CDH12: variants seen among roughly 807,000 people sequenced by gnomAD.
CDH12 encodes cadherin 12.
CDH12 carries 41 observed loss-of-function variants against 74.1 expected under a neutral mutation model. That is an observed-to-expected ratio of 0.55 (90% CI 0.43 to 0.72). CDH12 has a LOEUF of 0.72. CDH12 is among the 30% of genes least tolerant of loss of function. The pLI is 0.00. For missense variants in CDH12, 945 were observed against 977.2 expected (o/e 0.97, Z 0.44); for synonymous variants, 399 against 355.0 (o/e 1.12, Z -1.39).
At chr5:22,536,660 A>C (rs191410775) in intron 1 of CDH12, among the ~76,000 whole-genome samples, 9 of 152,320 alleles carry the variant, frequency 5.9e-5, no homozygotes, top group Admixed American at 2.0e-4. Flanking sequence ...AATTCTGTAG[A>C]GTATATAACG....
chr5:22,175,524 G>A (rs1417826614), intron 4 of CDH12, among the ~76,000 whole-genome samples: 1 of 152,042 alleles, frequency 6.6e-6, no homozygotes, highest in Non-Finnish European at 1.5e-5. Flanking sequence ...TCCCAGGCTT[G>A]AGTTTTCCTA....
intron 1 of CDH12, among the ~76,000 whole-genome samples, chr5:22,815,153 T>C (rs1216728793): frequency 6.6e-6 from 1 of 152,148 alleles, no homozygotes; most frequent in Non-Finnish European, 1.5e-5. Context: ...CATGCAACTC[T>C]TGTTCAGCAA....
intron 3 of CDH12, among the ~76,000 whole-genome samples, chr5:22,315,667 C>CAA (rs374574079): frequency 6.6e-6 from 1 of 151,486 alleles, no homozygotes; most frequent in African/African-American, 2.4e-5. Context: ...ATCCTAGCTA[C>CAA]AAAAAAAATG....
At position 22,834,259 on chromosome 5, in the gene CDH12, G is replaced by A. The variant is rs145699657; in HGVS notation, c.-523+18799C>T. On this transcript the variant is annotated intron_variant, in intron 1 of 14. Transcript: ENST00000382254. ...TTCATGTCTTATATTTGACAGCCAG[G>A]ATGCTGATTTTCAAAGAGCACAGTG... Among the ~76,000 whole-genome samples the A allele has an allele frequency of 3.5e-3, 537 of 152,166 alleles. 3 individuals carry two copies. The highest frequency in any genetic ancestry group is 0.012 in the African/African-American group (500 of 41,544).
intron 1 of CDH12, among the ~76,000 whole-genome samples, chr5:22,728,833 C>G (rs1425613962): frequency 6.6e-6 from 1 of 151,746 alleles, no homozygotes; most frequent in Non-Finnish European, 1.5e-5. Flanking sequence ...GAGCCCTCCA[C>G]CGTCATGACC....
At chr5:22,063,982 T>C (rs1017584058) in intron 5 of CDH12, among the ~76,000 whole-genome samples, 4 of 118,752 alleles carry the variant, frequency 3.4e-5, no homozygotes, top group South Asian at 3.2e-4. Context: ...CATGCAATTA[T>C]GGAGATACAC....
chr5:22,010,847 A>G (rs1737254443), intron 5 of CDH12, among the ~76,000 whole-genome samples: 1 of 152,084 alleles, frequency 6.6e-6, no homozygotes, highest in African/African-American at 2.4e-5. Flanking sequence ...TCTCCATGAG[A>G]TTTACATCCT....
At chr5:22,496,312 A>C (rs1747104596) in intron 2 of CDH12, among the ~76,000 whole-genome samples, 1 of 152,164 alleles carries the variant, frequency 6.6e-6, no homozygotes, top group Non-Finnish European at 1.5e-5. Context: ...TTTAATCCTA[A>C]TTTTGATGAC....
intron 6 of CDH12, among the ~76,000 whole-genome samples, chr5:21,863,972 C>G (rs2150010851): frequency 6.6e-6 from 1 of 152,084 alleles, no homozygotes; most frequent in African/African-American, 2.4e-5. Context: ...ATTATATTTT[C>G]TAATTCTTAT....
chr5:22,810,122 G>T lies in CDH12; in HGVS notation c.-523+42936C>A, dbSNP rs550151504. Among the ~76,000 whole-genome samples, 225 of 152,240 alleles carry T rather than the reference G, an allele frequency of 1.5e-3. 1 individual carries two copies. Among genetic ancestry groups the T allele is most frequent in the Non-Finnish European group, 2.5e-3 (172 of 67,992 alleles). ...TTCTTATTTCCCAAATCATTAGTTT[G>T]TATTTATTCAGTGACAACAGTAGAA... On this transcript the variant is annotated intron_variant, in intron 1 of 14. Coordinates refer to ENST00000382254, the MANE Select transcript of CDH12 (RefSeq NM_004061.5).
chr5:22,561,469 G>T (rs1464273223), intron 1 of CDH12, among the ~76,000 whole-genome samples: 1 of 151,818 alleles, frequency 6.6e-6, no homozygotes, highest in Non-Finnish European at 1.5e-5. Flanking sequence ...TCTGATTAAA[G>T]GCAGAATTAG....
At chr5:22,611,298 T>A (rs975849478) in intron 1 of CDH12, among the ~76,000 whole-genome samples, 2 of 152,216 alleles carry the variant, frequency 1.3e-5, no homozygotes, top group African/African-American at 4.8e-5. Flanking sequence ...ACCATTTATT[T>A]TGACAATTAA....
chr5:22,024,539 G>A (rs1449436972), intron 5 of CDH12, among the ~76,000 whole-genome samples: 1 of 151,952 alleles, frequency 6.6e-6, no homozygotes, highest in Non-Finnish European at 1.5e-5. Context: ...TTGATACAGA[G>A]TCTCACTCTG....
intron 1 of CDH12, among the ~76,000 whole-genome samples, chr5:22,669,318 A>T (rs1482819862): frequency 6.6e-6 from 1 of 152,218 alleles, no homozygotes; most frequent in Non-Finnish European, 1.5e-5. Flanking sequence ...AAAAGATTAA[A>T]CATACATATC....
intron 3 of CDH12, among the ~76,000 whole-genome samples, chr5:22,290,839 G>C (rs1461447074): frequency 6.6e-6 from 1 of 152,058 alleles, no homozygotes; most frequent in Non-Finnish European, 1.5e-5. Flanking sequence ...CCAATAATGA[G>C]TAAGGAAACT....
intron 1 of CDH12, among the ~76,000 whole-genome samples, chr5:22,577,870 CCTCA>C (rs1280260344): frequency 6.6e-6 from 1 of 152,142 alleles, no homozygotes; most frequent in Non-Finnish European, 1.5e-5. Context: ...AACCTGATTG[CCTCA>C]CTATCTAAAA....
intron 12 of CDH12, among the ~76,000 whole-genome samples, chr5:21,762,959 C>G (rs1050322037): frequency 6.7e-6 from 1 of 148,352 alleles, no homozygotes; most frequent in Non-Finnish European, 1.5e-5. Context: ...TAAACCTCTT[C>G]AAACTCCCAA....
chr5:22,690,935 A>G (rs536226302), intron 1 of CDH12, among the ~76,000 whole-genome samples: 6 of 152,280 alleles, frequency 3.9e-5, no homozygotes, highest in Admixed American at 2.6e-4. Flanking sequence ...AATGTCTCTC[A>G]GACTGGGATG....
intron 6 of CDH12, among the ~76,000 whole-genome samples, chr5:21,857,168 A>G (rs1750798131): frequency 1.3e-5 from 2 of 151,976 alleles, no homozygotes; most frequent in Non-Finnish European, 2.9e-5. Flanking sequence ...TCCTGACACT[A>G]TTAAACACTA....
Sources: gnomAD v4.1 joint callset for allele counts (sites outside exome capture counted in the v4.1 genomes callset) on GRCh38, gnomAD v4.1.1 for gene constraint, MANE v1.5 for transcripts, NCBI Gene and HGNC (gene_info 2026-07-23, HGNC 2026-07-21) for gene names.